The following RBFOX1 variants were observed in gnomAD, a reference collection of about 807,000 sequenced individuals.
RBFOX1 encodes the protein RNA binding fox-1 homolog 1.
In RBFOX1, 8 loss-of-function variants were observed where a neutral mutation model predicts 57.7. The ratio of observed to expected loss-of-function variants is 0.14; its 90% CI spans 0.08 to 0.25. RBFOX1 has a LOEUF of 0.25. RBFOX1 is among the 10% of genes least tolerant of loss of function. RBFOX1 has a pLI of 1.00. For synonymous variants in RBFOX1, 326 were observed against 222.4 expected (o/e 1.47, Z -4.15); for missense variants, 611 against 548.5 (o/e 1.11, Z -1.14).
intron 3 of RBFOX1, among the ~76,000 whole-genome samples, chr16:6,658,636 C>G (rs143211117): frequency 6.6e-6 from 1 of 152,100 alleles, no homozygotes; most frequent in South Asian, 2.1e-4. Context: ...TTTTCTTTAT[C>G]CCAGAAGCCT....
chr16:5,809,780 AT>A (rs1187451035), intron 3 of RBFOX1, among the ~76,000 whole-genome samples: 1 of 152,150 alleles, frequency 6.6e-6, no homozygotes, highest in Non-Finnish European at 1.5e-5. Context: ...TTCCTCAGGG[AT>A]CTAGAACTAG....
At chr16:6,088,504 C>A (rs2096122151) in intron 1 of RBFOX1, among the ~76,000 whole-genome samples, 1 of 148,344 alleles carries the variant, frequency 6.7e-6, no homozygotes, top group Non-Finnish European at 1.5e-5. Context: ...TCCCTCCCTT[C>A]CTTCCTCCCC....
chr16:6,763,125 T>C (rs1241931980), intron 3 of RBFOX1, among the ~76,000 whole-genome samples: 1 of 152,196 alleles, frequency 6.6e-6, no homozygotes, highest in East Asian at 1.9e-4. Context: ...CCTCCACCTC[T>C]AAAATGAGTT....
At chr16:6,558,399 T>A (rs1464685834) in intron 2 of RBFOX1, among the ~76,000 whole-genome samples, 1 of 151,966 alleles carries the variant, frequency 6.6e-6, no homozygotes, top group Admixed American at 6.6e-5. Flanking sequence ...AGGAGAAGAG[T>A]TTATCCTGAA....
At chr16:5,412,115 G>C (rs2067037547) in intron 1 of RBFOX1, among the ~76,000 whole-genome samples, 1 of 152,108 alleles carries the variant, frequency 6.6e-6, no homozygotes, top group African/African-American at 2.4e-5. Context: ...CACTGAGACT[G>C]ACATGGCTTT....
chr16:6,987,581 G>A (rs2090581438), intron 3 of RBFOX1, among the ~76,000 whole-genome samples: 1 of 151,848 alleles, frequency 6.6e-6, no homozygotes, highest in South Asian at 2.1e-4. Context: ...GGGCACAGGT[G>A]CACAAACTTA....
intron 2 of RBFOX1, among the ~76,000 whole-genome samples, chr16:5,501,114 G>A (rs995106983): frequency 6.6e-6 from 1 of 152,030 alleles, no homozygotes; most frequent in Non-Finnish European, 1.5e-5. Flanking sequence ...TCAGGAGTTT[G>A]AGACCAGCTT....
chr16:6,876,649 A>C (rs1020347016), intron 3 of RBFOX1, among the ~76,000 whole-genome samples: 2 of 152,114 alleles, frequency 1.3e-5, no homozygotes. Context: ...CTAAGAGTAC[A>C]TTTCTCACCT....
Position 6,507,564 on chromosome 16 carries a change from C to T in RBFOX1, c.-63-147039C>T, listed in dbSNP as rs76271373. ...GCACACACTTGTAGTTCCAGCTACC[C>T]CCAGGCTGAGGTGGGAGGATCACTT... On this transcript the variant is annotated intron_variant, in intron 2 of 15. Transcript: ENST00000550418. Among the ~76,000 whole-genome samples, 72 of 150,402 alleles carry T rather than the reference C, an allele frequency of 4.8e-4. 2 individuals are homozygous for T. In the Middle Eastern group the frequency reaches 0.011, roughly 22 times the overall value.
intron 2 of RBFOX1, among the ~76,000 whole-genome samples, chr16:6,368,464 T>A (rs888517625): frequency 6.6e-6 from 1 of 152,190 alleles, no homozygotes; most frequent in African/African-American, 2.4e-5. Context: ...ATCGTGCTGG[T>A]TCCTAATGTA....
intron 1 of RBFOX1, among the ~76,000 whole-genome samples, chr16:6,190,608 T>C (rs2097135515): frequency 1.3e-5 from 2 of 152,174 alleles, no homozygotes; most frequent in African/African-American, 4.8e-5. Flanking sequence ...TGATATATCG[T>C]CGATGGTACT....
At chr16:5,486,546 C>A (rs1253527294) in intron 2 of RBFOX1, among the ~76,000 whole-genome samples, 1 of 152,188 alleles carries the variant, frequency 6.6e-6, no homozygotes, top group African/African-American at 2.4e-5. Context: ...TTGGAATCTC[C>A]ACCTGCCAGT....
At chr16:5,468,638 G>T (rs1256010668) in intron 2 of RBFOX1, among the ~76,000 whole-genome samples, 1 of 152,196 alleles carries the variant, frequency 6.6e-6, no homozygotes, top group Admixed American at 6.5e-5. Context: ...GAAGCCAAAA[G>T]GAGAAATAGC....
Position 7,688,255 on chromosome 16 carries a change from G to GTT in RBFOX1, c.995+11418_995+11419insTT, listed in dbSNP as rs2076510142. 4.0e-5 allele frequency among the ~76,000 whole-genome samples: 6 copies of GTT among 148,812 alleles called. No individual in the cohort carries two copies. The South Asian group carries it at 1.3e-3, about 32-fold the overall frequency. ...TGTGTGTGTGTGTGTGTGTGTGTGTGTGTGTGAGAGAGAGAGAGAGAGAGA... is the reference window on the plus strand; with the variant it reads ...TGTGTGTGTGTGTGTGTGTGTGTGTGTTTGTGTGAGAGAGAGAGAGAGAGAGA... On this transcript the variant is annotated intron_variant, in intron 14 of 15. Coordinates refer to ENST00000550418, the MANE Select transcript of RBFOX1 (RefSeq NM_018723.4).
intron 4 of RBFOX1, among the ~76,000 whole-genome samples, chr16:7,351,437 T>C (rs1418400612): frequency 6.6e-6 from 1 of 152,262 alleles, no homozygotes; most frequent in African/African-American, 2.4e-5. Flanking sequence ...GATTCTTTTT[T>C]TAGTGGAATT....
At chr16:6,193,375 T>C (rs28670255) in intron 1 of RBFOX1, among the ~76,000 whole-genome samples, 17,836 of 63,794 alleles carry the variant, frequency 0.28, 2,266 homozygotes, top group Middle Eastern at 0.36. Flanking sequence ...TATATATATA[T>C]ACATTATATA....
intron 4 of RBFOX1, among the ~76,000 whole-genome samples, chr16:7,166,930 G>A (rs958163128): frequency 2.2e-5 from 3 of 135,482 alleles, no homozygotes; most frequent in Admixed American, 1.5e-4. Context: ...TTTCTTTACT[G>A]ATGACATCAG....
chr16:6,927,414 CAAAAAAAAAA>C (rs1194663760), intron 3 of RBFOX1, among the ~76,000 whole-genome samples: 15 of 53,154 alleles, frequency 2.8e-4, no homozygotes, highest in African/African-American at 1.1e-3. Context: ...CGCTTTCTCA[CAAAAAAAAAA>C]AAAAAAAAAA....
chr16:7,084,204 T>G (rs2059634514), intron 4 of RBFOX1, among the ~76,000 whole-genome samples: 1 of 152,134 alleles, frequency 6.6e-6, no homozygotes, highest in South Asian at 2.1e-4. Context: ...TGCAATTAAA[T>G]ATAACAGAAC....
Sources: gnomAD v4.1 joint callset for allele counts (sites outside exome capture counted in the v4.1 genomes callset) on GRCh38, gnomAD v4.1.1 for gene constraint, MANE v1.5 for transcripts, NCBI Gene and HGNC (gene_info 2026-07-23, HGNC 2026-07-21) for gene names.